Variants in LARGE1 observed in about 807,000 individuals in gnomAD.
The protein encoded by LARGE1 is LARGE xylosyl- and glucuronyltransferase 1, also known as xylosyl- and glucuronyltransferase LARGE1.
LARGE1 carries 43 observed loss-of-function variants against 87.6 expected under a neutral mutation model. The observed-to-expected ratio is 0.49, with a 90% CI of 0.38 to 0.63. The LOEUF (loss-of-function observed/expected upper bound fraction) is 0.63. Among genes scored for constraint, LARGE1 ranks in the 30% least tolerant of loss-of-function variants. LARGE1 has a pLI of 0.00. For missense variants in LARGE1, 802 were observed against 1,000.2 expected, an observed-to-expected ratio of 0.80 and a Z score of 2.67; for synonymous variants, 434 against 394.6, an observed-to-expected ratio of 1.10 and a Z score of -1.18.
intron 7 of LARGE1, among the ~76,000 whole-genome samples, chr22:33,389,046 G>C (rs913742826): frequency 6.6e-6 from 1 of 152,206 alleles, no homozygotes; most frequent in Non-Finnish European, 1.5e-5. Flanking sequence ...CTCACAGGAG[G>C]GAGGCCTGGG....
chr22:33,706,072 G>A (rs1288009838), intron 2 of LARGE1, among the ~76,000 whole-genome samples: 2 of 152,172 alleles, frequency 1.3e-5, no homozygotes, highest in Admixed American at 1.3e-4. Context: ...CTGCCCCGGT[G>A]GGCGACAAGA....
intron 1 of LARGE1, among the ~76,000 whole-genome samples, chr22:33,844,715 T>C (rs950875522): frequency 2.6e-5 from 4 of 151,914 alleles, no homozygotes; most frequent in African/African-American, 7.3e-5. Context: ...AGAGTGTGGT[T>C]TCCAAACTTT....
chr22:33,544,196 C>CT (rs1019203090), intron 6 of LARGE1, among the ~76,000 whole-genome samples: 2 of 152,168 alleles, frequency 1.3e-5, no homozygotes, highest in Non-Finnish European at 2.9e-5. Flanking sequence ...CCCCATGAGC[C>CT]TTTTTCCTTT....
chr22:33,316,389 C>CA, intron 10 of LARGE1, 141 bp from the exon 11 acceptor site: 1 of 713,856 alleles, frequency 1.4e-6, no homozygotes, highest in Non-Finnish European at 2.3e-6. Context: ...TGGAAGGGAT[C>CA]ACCACTTTTA....
Position 33,415,999 on chromosome 22 carries a change from C to T in LARGE1, c.892+16162G>A, listed in dbSNP as rs188131675. ...TCCCATACTCCCTGTGGCTGCACCA[C>T]GAATCTTAGCTATCACTTGCTGAGC... is the stretch of plus-strand genomic sequence containing the variant. On this transcript the variant is annotated intron_variant, in intron 7 of 14. Transcript: ENST00000397394. Among the ~76,000 whole-genome samples, 505 of 152,292 alleles carry T rather than the reference C, an allele frequency of 3.3e-3. 7 individuals are homozygous for T. The highest frequency in any genetic ancestry group is 0.029 in the Admixed American group (437 of 15,288).
chr22:33,823,416 G>T (rs562577514), intron 1 of LARGE1, among the ~76,000 whole-genome samples: 1 of 152,332 alleles, frequency 6.6e-6, no homozygotes, highest in South Asian at 2.1e-4. Flanking sequence ...CTGGTACAGA[G>T]TAGAGGTCAA....
At chr22:33,716,699 C>T (rs564218221) in intron 2 of LARGE1, among the ~76,000 whole-genome samples, 5 of 152,314 alleles carry the variant, frequency 3.3e-5, no homozygotes, top group African/African-American at 1.2e-4. Context: ...CACACCTGGC[C>T]ACCCCCAAAA....
chr22:33,226,936 A>C (rs921526364), intron 11 of LARGE1, among the ~76,000 whole-genome samples: 1 of 152,068 alleles, frequency 6.6e-6, no homozygotes, highest in Non-Finnish European at 1.5e-5. Context: ...TCACCGTGTT[A>C]GCCAAGATGG....
chr22:33,869,165 G>A (rs2064199724), intron 1 of LARGE1, among the ~76,000 whole-genome samples: 2 of 152,048 alleles, frequency 1.3e-5, no homozygotes, highest in African/African-American at 4.8e-5. Context: ...TACCCTTGGA[G>A]CCAGCTCCTT....
intron 6 of LARGE1, among the ~76,000 whole-genome samples, chr22:33,543,418 G>A (rs1241103298): frequency 2.6e-5 from 4 of 152,034 alleles, no homozygotes; most frequent in African/African-American, 9.7e-5. Flanking sequence ...TCCTCTAAAC[G>A]GCTACAGAAA....
chr22:33,202,204 C>T (rs1017312825), intron 11 of LARGE1, among the ~76,000 whole-genome samples: 4 of 152,034 alleles, frequency 2.6e-5, no homozygotes, highest in African/African-American at 9.7e-5. Flanking sequence ...AGCACTGGGA[C>T]ACTAGAACAG....
chr22:33,216,753 T>G (rs1157662658), intron 11 of LARGE1, among the ~76,000 whole-genome samples: 2 of 152,124 alleles, frequency 1.3e-5, no homozygotes, highest in Non-Finnish European at 2.9e-5. Flanking sequence ...ATGTAGCACA[T>G]GACCCCACAC....
the LARGE1 span, among the ~76,000 whole-genome samples, chr22:33,147,803 A>G: frequency 1.7e-3 from 266 of 152,314 alleles, 1 homozygote; most frequent in African/African-American, 6.2e-3. Context: ...CACTACAATT[A>G]GGATAATTTA....
intron 6 of LARGE1, among the ~76,000 whole-genome samples, chr22:33,546,013 G>A (rs900168282): frequency 6.6e-6 from 1 of 152,110 alleles, no homozygotes. Flanking sequence ...CTCGGTTTTG[G>A]TTCCTCCAAA....
the LARGE1 span, among the ~76,000 whole-genome samples, chr22:33,074,225 C>T: frequency 1.3e-5 from 2 of 152,078 alleles, no homozygotes; most frequent in Admixed American, 6.6e-5. Flanking sequence ...TTACCGGGAC[C>T]GCTTCCCACA....
At chr22:33,628,023 C>T (rs767258035) in intron 3 of LARGE1, among the ~76,000 whole-genome samples, 1 of 152,084 alleles carries the variant, frequency 6.6e-6, no homozygotes, top group South Asian at 2.1e-4. Context: ...ATGCACTCTA[C>T]CCCCACATTC....
chr22:33,607,461 C>CAAAAAAAAAAAA (rs1217376084), intron 4 of LARGE1, among the ~76,000 whole-genome samples: 8 of 57,998 alleles, frequency 1.4e-4, no homozygotes, highest in East Asian at 5.0e-4. Flanking sequence ...AACTGCATCT[C>CAAAAAAAAAAAA]AAAAAAAAAA....
intron 12 of LARGE1, among the ~76,000 whole-genome samples, chr22:33,303,381 C>T (rs910227752): frequency 6.6e-6 from 1 of 152,120 alleles, no homozygotes; most frequent in African/African-American, 2.4e-5. Context: ...GTCTCGGTCC[C>T]ACAGTTCCCC....
In LARGE1 at chr22:33,477,736, T is replaced by C. The variant is rs144654414; in HGVS notation, c.788-45471A>G. On this transcript the variant is annotated intron_variant, in intron 6 of 14. Coordinates refer to ENST00000397394, the MANE Select transcript of LARGE1 (RefSeq NM_133642.5). ...CTATGACCCAGGAAAGTACTAAGCA[T>C]TGCAATTCATCGGTAACAGATGGAG... Among the ~76,000 whole-genome samples, 11 of 152,320 alleles carry C rather than the reference T, an allele frequency of 7.2e-5. No individual in the cohort carries two copies. The East Asian group carries it at 1.9e-3, about 27-fold the overall frequency.
Sources: allele counts gnomAD v4.1 joint callset (sites outside exome capture counted in the v4.1 genomes callset), GRCh38; gene constraint gnomAD v4.1.1; transcripts MANE v1.5; gene names NCBI Gene and HGNC (gene_info 2026-07-23, HGNC 2026-07-21).